Variants in TLN2 observed in about 807,000 individuals in gnomAD.
TLN2 encodes talin 2, also known as talin-2.
In TLN2, 118 loss-of-function variants were observed where a neutral mutation model predicts 294.7. The observed-to-expected ratio is 0.40, with a 90% CI of 0.34 to 0.47. The LOEUF is 0.47. Among genes scored for constraint, TLN2 ranks in the 20% least tolerant of loss-of-function variants. The pLI is 0.84. For synonymous variants in TLN2, 1,431 were observed against 1,304.5 expected (o/e 1.10, Z -2.09); for missense variants, 3,083 against 3,282.2 (o/e 0.94, Z 1.48).
intron 6 of TLN2, among the ~76,000 whole-genome samples, chr15:62,652,934 A>G (rs1055587669): frequency 9.9e-5 from 15 of 152,124 alleles, no homozygotes; most frequent in African/African-American, 3.4e-4. Context: ...TTTTTGAAAA[A>G]AAAGTGTTCA....
intron 3 of TLN2, among the ~76,000 whole-genome samples, chr15:62,645,859 C>T (rs2051765252): frequency 6.6e-6 from 1 of 152,128 alleles, no homozygotes; most frequent in African/African-American, 2.4e-5. Context: ...CCTTGTTTTG[C>T]TTGCTAGGAT....
rs75534890 is a variant in TLN2, at chr15:62,530,332, A to G, written c.-237-59355A>G. 3.1e-3 allele frequency among the ~76,000 whole-genome samples: 420 copies of G among 137,494 alleles called. 4 individuals are homozygous for G. Among genetic ancestry groups the G allele is most frequent in the African/African-American group, 0.014 (402 of 27,738 alleles). 90.2% of individuals were successfully genotyped at this position (137,494 alleles called of 152,430 possible). ...TATAAATGTATTTGTTTGTTTGTTT[A>G]TTTATTTATTTATTCATGTATTCAT... On this transcript the variant is annotated intron_variant, in intron 1 of 58. Coordinates refer to ENST00000636159, the MANE Select transcript of TLN2 (RefSeq NM_015059.3).
chr15:62,738,737 T>C (rs2061162544), intron 30 of TLN2, among the ~76,000 whole-genome samples: 1 of 152,212 alleles, frequency 6.6e-6, no homozygotes, highest in African/African-American at 2.4e-5. Context: ...TTTGTGAGTC[T>C]GCTGAAGGAG....
intron 35 of TLN2, among the ~76,000 whole-genome samples, chr15:62,752,806 CAG>C (rs779338535): frequency 1.3e-5 from 2 of 152,148 alleles, no homozygotes; most frequent in Admixed American, 6.5e-5. Flanking sequence ...TTTTTAGAAT[CAG>C]AGAGAGAAAA....
chr15:62,658,848 C>T (rs527985522), intron 9 of TLN2, among the ~76,000 whole-genome samples: 70 of 152,252 alleles, frequency 4.6e-4, no homozygotes, highest in African/African-American at 1.5e-3. Context: ...CCCTCAGATA[C>T]AACTGATGTC....
intron 3 of TLN2, among the ~76,000 whole-genome samples, chr15:62,643,423 T>C (rs1474818106): frequency 6.8e-6 from 1 of 146,802 alleles, no homozygotes; most frequent in Non-Finnish European, 1.5e-5. Flanking sequence ...TTTTTTTTTT[T>C]TTTTTTTTTT....
chr15:62,571,820 A>C (rs1596183502), intron 1 of TLN2, among the ~76,000 whole-genome samples: 1 of 152,204 alleles, frequency 6.6e-6, no homozygotes, highest in Non-Finnish European at 1.5e-5. Context: ...TCTTAAACAC[A>C]ATTATAATCC....
At chr15:62,702,299 T>A in intron 18 of TLN2, 99 bp downstream of exon 18, 1 of 1,301,746 alleles carries the variant, frequency 7.7e-7, no homozygotes, top group South Asian at 1.5e-5. Context: ...TCCTTGCGTC[T>A]TGATGGGGTG....
At chr15:62,671,829 T>C (rs2141000653) in intron 9 of TLN2, among the ~76,000 whole-genome samples, 1 of 152,346 alleles carries the variant, frequency 6.6e-6, no homozygotes, top group South Asian at 2.1e-4. Flanking sequence ...TGTATCCTGA[T>C]GGTATCATTG....
chr15:62,697,969 T>C, intron 15 of TLN2, 101 bp downstream of exon 15: 1 of 1,404,426 alleles, frequency 7.1e-7, no homozygotes. Context: ...GAACGCTCTC[T>C]ATTTCCCGGC....
At chr15:62,801,039 G>A (rs960296805) in intron 50 of TLN2, among the ~76,000 whole-genome samples, 8 of 152,188 alleles carry the variant, frequency 5.3e-5, no homozygotes, top group African/African-American at 1.9e-4. Context: ...TATAGCACGA[G>A]ATCAAAGCAT....
chr15:62,423,446 C>A (rs1197414726), intron 1 of TLN2, among the ~76,000 whole-genome samples: 1 of 152,172 alleles, frequency 6.6e-6, no homozygotes, highest in Non-Finnish European at 1.5e-5. Context: ...CTCCATGTTA[C>A]CAGCACCTAT....
chr15:62,523,832 A>T (rs2040592431), intron 1 of TLN2, among the ~76,000 whole-genome samples: 1 of 152,252 alleles, frequency 6.6e-6, no homozygotes, highest in African/African-American at 2.4e-5. Context: ...ATTAAGTTAG[A>T]AATTAAAGAC....
chr15:62,724,480 G>A (rs556950023), intron 26 of TLN2, among the ~76,000 whole-genome samples: 1 of 152,234 alleles, frequency 6.6e-6, no homozygotes, highest in South Asian at 2.1e-4. Context: ...ATTACTAAGG[G>A]AAAAATATTT....
chr15:62,431,870 A>G (rs935049879), intron 1 of TLN2, among the ~76,000 whole-genome samples: 9 of 152,160 alleles, frequency 5.9e-5, no homozygotes, highest in African/African-American at 2.2e-4. Context: ...TTTCATCTCT[A>G]TTGGAACAAA....
chr15:62,479,683 A>G (rs1172370327), intron 1 of TLN2, among the ~76,000 whole-genome samples: 2 of 152,020 alleles, frequency 1.3e-5, no homozygotes, highest in Non-Finnish European at 2.9e-5. Context: ...ACGGGGTTTT[A>G]CCATGTTGGC....
chr15:62,606,882 G>A (rs2140805456), intron 2 of TLN2, among the ~76,000 whole-genome samples: 1 of 152,310 alleles, frequency 6.6e-6, no homozygotes, highest in South Asian at 2.1e-4. Flanking sequence ...GTTGTAAGGT[G>A]ATGCTCAGCG....
chr15:62,580,331 A>G (rs1249097487), intron 1 of TLN2, among the ~76,000 whole-genome samples: 1 of 152,062 alleles, frequency 6.6e-6, no homozygotes, highest in Admixed American at 6.6e-5. Flanking sequence ...TAGTTGATGA[A>G]CCTATATTGA....
Position 62,686,839 on chromosome 15 carries a change from G to C in TLN2, c.1113+43G>C, listed in dbSNP as rs115874792. 3.8e-4 allele frequency: 607 copies of C among 1,605,724 alleles called. 2 individuals are homozygous for C. The African/African-American group carries it at 7.4e-3, about 20-fold the overall frequency. The stretch of plus-strand genomic sequence containing the variant: ...GCAAGGAGAGCACTAGCGTGGCCTT[G>C]AGTGATATTGTGGGGACAGGAGAAA... On this transcript the variant is annotated intron_variant, in intron 12 of 58. Transcript: ENST00000636159.
Sources: gnomAD v4.1 joint callset for allele counts (sites outside exome capture counted in the v4.1 genomes callset) on GRCh38, gnomAD v4.1.1 for gene constraint, MANE v1.5 for transcripts, NCBI Gene and HGNC (gene_info 2026-07-23, HGNC 2026-07-21) for gene names.